ULK4: variants seen among roughly 807,000 people sequenced by gnomAD.
The protein encoded by ULK4 is inactive serine/threonine-protein kinase ULK4.
In ULK4, 133 loss-of-function variants were observed where a neutral mutation model predicts 160.6. The ratio of observed to expected loss-of-function variants is 0.83; its 90% CI spans 0.72 to 0.96. The LOEUF (loss-of-function observed/expected upper bound fraction) is 0.96. Among genes scored for constraint, ULK4 ranks in the 40% least tolerant of loss-of-function variants. ULK4 has a pLI of 0.00. For missense variants in ULK4, 1,580 were observed against 1,499.5 expected, an observed-to-expected ratio of 1.05 and a Z score of -0.89; for synonymous variants, 534 against 539.8, an observed-to-expected ratio of 0.99 and a Z score of 0.15.
Position 41,962,021 on chromosome 3 carries a change from A to G in ULK4, c.-54T>C, listed in dbSNP as rs1380631854. 6.6e-6 allele frequency: 1 copy of G among 152,504 alleles called. No individual in the cohort carries two copies. Among genetic ancestry groups the G allele is most frequent in the Non-Finnish European group, 1.5e-5 (1 of 68,254 alleles). The allele number at this position is 152,504 out of a possible 1,614,324, so 9.4% of individuals were successfully genotyped here. A position where few individuals can be genotyped will look rare whatever the true frequency, so the allele number is the denominator to read the frequency against. On this transcript the variant is annotated 5_prime_UTR_variant, in exon 1 of 37. Transcript: ENST00000301831. The stretch of plus-strand genomic sequence containing the variant: ...AAACCGCCACTGCCACGCACCTGGT[A>G]GCTAAGTCAAGAAAAGAGTCCAGTC...
At chr3:41,628,281 C>T (rs2033608589) in intron 30 of ULK4, among the ~76,000 whole-genome samples, 1 of 152,004 alleles carries the variant, frequency 6.6e-6, no homozygotes, top group Admixed American at 6.5e-5. Flanking sequence ...AAATATGGCC[C>T]CACCAAAATA....
chr3:41,713,848 T>C (rs2037179011), intron 25 of ULK4, among the ~76,000 whole-genome samples: 1 of 152,122 alleles, frequency 6.6e-6, no homozygotes, highest in African/African-American at 2.4e-5. Flanking sequence ...ACTTTTCTGT[T>C]GGAAAATCTT....
chr3:41,817,997 G>A (rs1269834580), intron 19 of ULK4, among the ~76,000 whole-genome samples: 3 of 150,932 alleles, frequency 2.0e-5, no homozygotes, highest in African/African-American at 4.9e-5. Flanking sequence ...TTAAAATGGC[G>A]ATTATCAAAA....
chr3:41,773,692 G>T (rs1288423765), intron 21 of ULK4, among the ~76,000 whole-genome samples: 3 of 152,096 alleles, frequency 2.0e-5, no homozygotes, highest in Non-Finnish European at 4.4e-5. Flanking sequence ...AGCTACCAAT[G>T]ACTTTCTTCA....
chr3:41,602,318 A>G (rs1459688195), intron 31 of ULK4, among the ~76,000 whole-genome samples: 1 of 128,000 alleles, frequency 7.8e-6, no homozygotes, highest in South Asian at 2.7e-4. Context: ...AAGGAAAGGA[A>G]AGGAGGAAGG....
chr3:41,273,798 A>G (rs1376377620), intron 35 of ULK4, among the ~76,000 whole-genome samples: 2 of 152,114 alleles, frequency 1.3e-5, no homozygotes, highest in Non-Finnish European at 2.9e-5. Flanking sequence ...GCAAGACTAA[A>G]TTAGTTCTCA....
intron 35 of ULK4, among the ~76,000 whole-genome samples, chr3:41,316,062 CAT>C (rs1326425665): frequency 6.6e-6 from 1 of 152,100 alleles, no homozygotes; most frequent in Admixed American, 6.5e-5. Flanking sequence ...AAAATGAAAA[CAT>C]ATGTGCACAC....
At chr3:41,711,799 T>C (rs1482669580) in intron 25 of ULK4, among the ~76,000 whole-genome samples, 1 of 152,186 alleles carries the variant, frequency 6.6e-6, no homozygotes, top group African/African-American at 2.4e-5. Flanking sequence ...TTAATACACA[T>C]CATGAGCTCT....
At chr3:41,684,133 TG>T (rs2036017814) in intron 27 of ULK4, among the ~76,000 whole-genome samples, 2 of 152,330 alleles carry the variant, frequency 1.3e-5, no homozygotes, top group African/African-American at 4.8e-5. Flanking sequence ...TAATGCAGCT[TG>T]GCCCCCACAG....
rs72864560 is a variant in ULK4 at position 41,884,949 on chromosome 3, T to C, written c.1578-997A>G. 4.1e-3 allele frequency among the ~76,000 whole-genome samples: 629 copies of C among 152,252 alleles called. 4 individuals carry two copies. The highest frequency in any genetic ancestry group is 0.014 in the African/African-American group (591 of 41,550). On this transcript the variant is annotated intron_variant, in intron 16 of 36. Transcript: ENST00000301831. ...ATTTTGAAAAATATCTGTAGGACAA[T>C]TGGAAAAGCCATCCTCCCACCTCAA... is the stretch of plus-strand genomic sequence containing the variant.
At chr3:41,715,924 A>C (rs1358486386) in intron 23 of ULK4, among the ~76,000 whole-genome samples, 1 of 151,904 alleles carries the variant, frequency 6.6e-6, no homozygotes, top group Non-Finnish European at 1.5e-5. Flanking sequence ...TATTTAAAAT[A>C]ATAAATGGGC....
At chr3:41,528,831 T>C (rs1425894084) in intron 32 of ULK4, among the ~76,000 whole-genome samples, 1 of 152,178 alleles carries the variant, frequency 6.6e-6, no homozygotes, top group Non-Finnish European at 1.5e-5. Flanking sequence ...AACTGCAGTG[T>C]GTTGTTGTCC....
At chr3:41,829,542 A>G (rs1020754229) in intron 18 of ULK4, among the ~76,000 whole-genome samples, 7 of 152,222 alleles carry the variant, frequency 4.6e-5, no homozygotes, top group Non-Finnish European at 8.8e-5. Flanking sequence ...ACACATGAAA[A>G]AATGCTCATC....
At chr3:41,546,766 TTAAAA>T (rs370707289) in intron 32 of ULK4, among the ~76,000 whole-genome samples, 50,344 of 121,844 alleles carry the variant, frequency 0.41, 10,735 homozygotes, top group Admixed American at 0.49. Flanking sequence ...CCCTAGGCCC[TTAAAA>T]AAAAAAAAAA....
chr3:41,702,855 G>GTTTTTTTTTTTTTTTTTTTT, intron 27 of ULK4, among the ~76,000 whole-genome samples: 1 of 146,286 alleles, frequency 6.8e-6, no homozygotes, highest in African/African-American at 2.7e-5. Flanking sequence ...TTTTTTTTTG[G>GTTTTTTTTTTTTTTTTTTTT]TTTTGTTTTT....
At chr3:41,472,604 C>T (rs924589595) in intron 32 of ULK4, among the ~76,000 whole-genome samples, 12 of 150,952 alleles carry the variant, frequency 7.9e-5, no homozygotes, top group Middle Eastern at 3.5e-3. Flanking sequence ...CTGAACAGAT[C>T]AACAAGAAGA....
chr3:41,762,712 G>C (rs1213484322), intron 21 of ULK4, among the ~76,000 whole-genome samples: 4 of 144,972 alleles, frequency 2.8e-5, no homozygotes, highest in African/African-American at 7.6e-5. Context: ...GCCCAGGCTG[G>C]AGTGCAGTGG....
intron 32 of ULK4, among the ~76,000 whole-genome samples, chr3:41,548,542 C>T (rs970047179): frequency 3.3e-5 from 5 of 152,226 alleles, no homozygotes; most frequent in African/African-American, 2.4e-5. Flanking sequence ...GACTGGCATG[C>T]GCAGAACATC....
chr3:41,470,018 G>GAA (rs71094650), intron 32 of ULK4, among the ~76,000 whole-genome samples: 1,910 of 45,948 alleles, frequency 0.042, 276 homozygotes, highest in Non-Finnish European at 0.051. Flanking sequence ...AAACAGAACA[G>GAA]AAAAAAAAAA....
Sources: gnomAD v4.1 joint callset for allele counts (sites outside exome capture counted in the v4.1 genomes callset) on GRCh38, gnomAD v4.1.1 for gene constraint, MANE v1.5 for transcripts, NCBI Gene and HGNC (gene_info 2026-07-23, HGNC 2026-07-21) for gene names.